The following TMEM164 variants were observed in gnomAD, a reference collection of about 807,000 sequenced individuals.
TMEM164 encodes transmembrane protein 164, also known as RP13-360B22.2.
Under a neutral mutation model 18.8 loss-of-function variants are expected in TMEM164, and 4 were observed. The observed-to-expected ratio is 0.21, with a 90% CI of 0.10 to 0.49. The LOEUF (loss-of-function observed/expected upper bound fraction) is 0.49, where lower values mean the gene tolerates loss of function less well. TMEM164 is among the 20% of genes least tolerant of loss of function. The pLI is 0.98. For synonymous variants in TMEM164, 86 were observed against 101.7 expected (o/e 0.85, Z 0.93); for missense variants, 108 against 239.9 (o/e 0.45, Z 3.63).
intron 3 of TMEM164, among the ~76,000 whole-genome samples, chrX:110,085,486 A>C (rs1190481640): frequency 9.0e-6 from 1 of 110,501 alleles, no homozygotes; most frequent in Non-Finnish European, 1.9e-5. Context: ...ATGGTTTATG[A>C]ATATTCAAAA....
At chrX:110,024,533 C>T (rs1375178030) in intron 2 of TMEM164, among the ~76,000 whole-genome samples, 1 of 112,072 alleles carries the variant, frequency 8.9e-6, no homozygotes, top group African/African-American at 3.2e-5. Flanking sequence ...ATCCTCCTGC[C>T]AAAGTCCTGG....
At chrX:110,086,594 ATATATGTGTATATATGTATATATGTG>A (rs2065855402) in intron 3 of TMEM164, among the ~76,000 whole-genome samples, 1 of 140 alleles carries the variant, frequency 7.1e-3, no homozygotes, top group African/African-American at 0.019. Flanking sequence ...ATATATATGT[ATATATGTGTATATATGTATATATGTG>A]TATATATGTA....
chrX:110,055,025 G>C lies in TMEM164; in HGVS notation c.391-12322G>C, dbSNP rs981367350. ...GAGCGAGACCATATAGGCTTTGGTA[G>C]TCCATGGAAAACTGTACCTTTTTGC... On this transcript the variant is annotated intron_variant, in intron 2 of 6. Transcript: ENST00000372068. Among the ~76,000 whole-genome samples, 18 of 111,254 alleles carry C rather than the reference G, an allele frequency of 1.6e-4. 1 individual carries two copies.
intron 3 of TMEM164, among the ~76,000 whole-genome samples, chrX:110,086,780 C>CAG (rs766147674): frequency 1.8e-5 from 2 of 108,814 alleles, no homozygotes; most frequent in Non-Finnish European, 3.8e-5. Context: ...CTAGCATAGG[C>CAG]AGAGAGAGAG....
At position 110,077,102 on chromosome X, in the gene TMEM164, G is replaced by T. The variant is rs1157228727; in HGVS notation, c.440+9706G>T. Among the ~76,000 whole-genome samples the T allele has an allele frequency of 2.7e-5, 3 of 112,001 alleles. No homozygotes were observed. In the East Asian group the frequency reaches 8.3e-4, roughly 31 times the overall value. On this transcript the variant is annotated intron_variant, in intron 3 of 6. Coordinates refer to ENST00000372068, the MANE Select transcript of TMEM164 (RefSeq NM_032227.4). ...TGTGGCTATCTAAGTCTTTTTGTAG[G>T]TTTCAAAGTATGTGTTTTATGAATT...
chrX:110,148,789 G>C (rs1250855560), intron 5 of TMEM164, among the ~76,000 whole-genome samples: 1 of 104,837 alleles, frequency 9.5e-6, no homozygotes, highest in Non-Finnish European at 1.9e-5. Context: ...GCCTCCCAAA[G>C]TGTTGGGATT....
intron 3 of TMEM164, among the ~76,000 whole-genome samples, chrX:110,106,812 G>T (rs748392132): frequency 9.0e-6 from 1 of 111,604 alleles, no homozygotes; most frequent in South Asian, 3.8e-4. Context: ...GGCCTGGAAT[G>T]GCTGTTAATA....
intron 2 of TMEM164, among the ~76,000 whole-genome samples, chrX:110,036,496 A>C (rs974104358): frequency 2.7e-5 from 3 of 112,260 alleles, no homozygotes; most frequent in African/African-American, 9.7e-5. Flanking sequence ...CCCAGAGCCT[A>C]GTAGAGAGCT....
At chrX:110,086,209 G>A (rs1253095101) in intron 3 of TMEM164, among the ~76,000 whole-genome samples, 1 of 112,004 alleles carries the variant, frequency 8.9e-6, no homozygotes, top group Admixed American at 9.5e-5. Flanking sequence ...ATTTGAGTGG[G>A]AAATTGAGAG....
At chrX:110,028,371 A>C (rs760071156) in intron 2 of TMEM164, among the ~76,000 whole-genome samples, 16 of 112,197 alleles carry the variant, frequency 1.4e-4, no homozygotes, top group Admixed American at 6.6e-4. Context: ...TATTTTAAAA[A>C]TCTGTTTTCT....
At chrX:110,160,225 C>A (rs1472518271) in intron 5 of TMEM164, among the ~76,000 whole-genome samples, 1 of 111,975 alleles carries the variant, frequency 8.9e-6, no homozygotes, top group Non-Finnish European at 1.9e-5. Flanking sequence ...GGGGGGAAGT[C>A]ACATCTTTAT....
chrX:110,061,936 C>T (rs1936140796), intron 2 of TMEM164, among the ~76,000 whole-genome samples: 1 of 111,352 alleles, frequency 9.0e-6, no homozygotes, highest in Non-Finnish European at 1.9e-5. Flanking sequence ...GGCACAATTT[C>T]TTGATGTTAG....
chrX:110,146,725 T>C (rs1045418195), intron 5 of TMEM164, among the ~76,000 whole-genome samples: 1 of 111,733 alleles, frequency 8.9e-6, no homozygotes, highest in Non-Finnish European at 1.9e-5. Flanking sequence ...CCCATCTCCC[T>C]TTCCAGCTCT....
chrX:110,151,195 A>G (rs1461555619), intron 5 of TMEM164, among the ~76,000 whole-genome samples: 2 of 112,418 alleles, frequency 1.8e-5, no homozygotes, highest in African/African-American at 6.5e-5. Flanking sequence ...CACTGAAGGA[A>G]CTGGTACCTT....
At chrX:110,073,754 T>TA (rs1251971760) in intron 3 of TMEM164, among the ~76,000 whole-genome samples, 1 of 112,332 alleles carries the variant, frequency 8.9e-6, no homozygotes, top group East Asian at 2.8e-4. Flanking sequence ...GGATATGAAC[T>TA]AATTTACATT....
intron 4 of TMEM164, among the ~76,000 whole-genome samples, chrX:110,113,216 A>T (rs1303361439): frequency 8.9e-6 from 1 of 112,584 alleles, no homozygotes. Context: ...GCTGTCTCTT[A>T]ACTAGTGATT....
At chrX:110,149,190 C>T (rs1016453344) in intron 5 of TMEM164, among the ~76,000 whole-genome samples, 2 of 110,861 alleles carry the variant, frequency 1.8e-5, no homozygotes, top group African/African-American at 6.6e-5. Flanking sequence ...AGTTTATATA[C>T]AAAACTATTA....
intron 2 of TMEM164, among the ~76,000 whole-genome samples, chrX:110,049,780 G>A (rs1358236389): frequency 1.8e-5 from 2 of 111,876 alleles, no homozygotes; most frequent in East Asian, 2.8e-4. Flanking sequence ...GTAAGCTTGG[G>A]ACTGAGGGTT....
chrX:110,170,186 C>G (rs1276024546), intron 5 of TMEM164, among the ~76,000 whole-genome samples: 1 of 112,615 alleles, frequency 8.9e-6, no homozygotes, highest in Non-Finnish European at 1.9e-5. Flanking sequence ...CTAGGCCCCT[C>G]CTTAAGTCCT....
Sources: gnomAD v4.1 joint callset for allele counts (sites outside exome capture counted in the v4.1 genomes callset) on GRCh38, gnomAD v4.1.1 for gene constraint, MANE v1.5 for transcripts, NCBI Gene and HGNC (gene_info 2026-07-23, HGNC 2026-07-21) for gene names.